Variants in TTC28 observed in about 807,000 individuals in gnomAD.
The protein encoded by TTC28 is tetratricopeptide repeat protein 28.
Under a neutral mutation model 198.0 loss-of-function variants are expected in TTC28, and 61 were observed. The observed-to-expected ratio is 0.31, with a 90% CI of 0.25 to 0.38. TTC28 has a LOEUF of 0.38. Among genes scored for constraint, TTC28 ranks in the 10% least tolerant of loss-of-function variants. The pLI, the probability that TTC28 is intolerant of heterozygous loss-of-function variation, is 1.00. For missense variants in TTC28, 2,678 were observed against 3,164.0 expected (o/e 0.85, Z 3.69); for synonymous variants, 1,171 against 1,297.8 (o/e 0.90, Z 2.10).
chr22:28,386,444 T>C (rs2046596463), intron 2 of TTC28, among the ~76,000 whole-genome samples: 1 of 152,136 alleles, frequency 6.6e-6, no homozygotes, highest in Admixed American at 6.5e-5. Flanking sequence ...TACAGTGCTG[T>C]GCAATCCTTG....
chr22:27,999,897 G>C (rs1937626037), intron 15 of TTC28: 1 of 152,196 alleles, frequency 6.6e-6, no homozygotes, highest in African/African-American at 2.4e-5. Flanking sequence ...TAAGTATGAA[G>C]TTATTTCAAA....
intron 12 of TTC28, among the ~76,000 whole-genome samples, chr22:28,091,492 C>G (rs1451034174): frequency 2.6e-5 from 4 of 152,048 alleles, no homozygotes; most frequent in Non-Finnish European, 5.9e-5. Flanking sequence ...GTCATACACC[C>G]AAGTACCTTT....
At chr22:28,252,617 C>A (rs8142398) in intron 5 of TTC28, among the ~76,000 whole-genome samples, 7,979 of 152,180 alleles carry the variant, frequency 0.052, 285 homozygotes, top group African/African-American at 0.097. Context: ...ATTAGTACTA[C>A]CAGAGTCTTT....
At chr22:28,568,157 ATATAAT>A (rs1419715942) in intron 2 of TTC28, among the ~76,000 whole-genome samples, 1 of 152,220 alleles carries the variant, frequency 6.6e-6, no homozygotes, top group Non-Finnish European at 1.5e-5. Context: ...AAGAATTATG[ATATAAT>A]TACATTGGGA....
At chr22:28,236,658 A>C (rs1035198708) in intron 5 of TTC28, among the ~76,000 whole-genome samples, 3 of 152,210 alleles carry the variant, frequency 2.0e-5, no homozygotes, top group African/African-American at 7.2e-5. Context: ...AATAGAGTTT[A>C]AGGATATGGG....
intron 2 of TTC28, among the ~76,000 whole-genome samples, chr22:28,518,389 G>A (rs917700470): frequency 2.6e-5 from 4 of 152,198 alleles, no homozygotes; most frequent in Non-Finnish European, 5.9e-5. Flanking sequence ...GCCCAGACAC[G>A]AGGATTGCTT....
In TTC28 at chr22:28,163,613, G is replaced by C; in HGVS notation, c.934-14C>G. On this transcript the variant is annotated splice_polypyrimidine_tract_variant and intron_variant, in intron 5 of 22. Transcript: ENST00000397906. ...TGATGAAGCTGCCTGGAGAGAAAAGGATAAAGTGGAGAAATGAAAACACAT... is the reference window on the plus strand; with the variant it reads ...TGATGAAGCTGCCTGGAGAGAAAAGCATAAAGTGGAGAAATGAAAACACAT... 3.3e-6 allele frequency: 5 copies of C among 1,502,264 alleles called. No individual in the cohort carries two copies. The highest frequency in any genetic ancestry group is 4.4e-6 in the Non-Finnish European group (5 of 1,126,538). The allele number at this position is 1,502,264 out of a possible 1,614,324, so 93.1% of individuals were successfully genotyped here. A position where few individuals can be genotyped will look rare whatever the true frequency, so the allele number is the denominator to read the frequency against.
At chr22:28,611,584 T>G (rs1272588375) in intron 2 of TTC28, among the ~76,000 whole-genome samples, 1 of 149,034 alleles carries the variant, frequency 6.7e-6, no homozygotes, top group Non-Finnish European at 1.5e-5. Context: ...TGTATACATG[T>G]GCCATGCTGG....
At chr22:28,551,744 A>G (rs1440049492) in intron 2 of TTC28, among the ~76,000 whole-genome samples, 3 of 152,212 alleles carry the variant, frequency 2.0e-5, no homozygotes, top group Non-Finnish European at 4.4e-5. Flanking sequence ...AATAAAAGCC[A>G]TCTTCGACAA....
chr22:28,364,650 C>T (rs547671939), intron 2 of TTC28, among the ~76,000 whole-genome samples: 1 of 152,154 alleles, frequency 6.6e-6, no homozygotes, highest in East Asian at 1.9e-4. Context: ...AATTCCAACC[C>T]TCCTGGATGA....
intron 2 of TTC28, among the ~76,000 whole-genome samples, chr22:28,580,203 T>A (rs1259375055): frequency 6.6e-6 from 1 of 152,166 alleles, no homozygotes; most frequent in African/African-American, 2.4e-5. Context: ...GCTGAGTGGA[T>A]AACTGCACCT....
chr22:28,273,101 ATGAAACCCAGCTC>A (rs1232824690), intron 5 of TTC28, among the ~76,000 whole-genome samples: 2 of 152,234 alleles, frequency 1.3e-5, no homozygotes, highest in Non-Finnish European at 2.9e-5. Flanking sequence ...ATTGGTTTAA[ATGAAACCCAGCTC>A]TGAAATATCT....
At chr22:28,490,685 G>A (rs1007447819) in intron 2 of TTC28, among the ~76,000 whole-genome samples, 36 of 152,118 alleles carry the variant, frequency 2.4e-4, no homozygotes, top group African/African-American at 8.7e-4. Flanking sequence ...TTTAATAGAG[G>A]ACCACAAGAT....
intron 5 of TTC28, among the ~76,000 whole-genome samples, chr22:28,182,350 G>A (rs1194763698): frequency 1.3e-5 from 2 of 152,094 alleles, no homozygotes; most frequent in Non-Finnish European, 2.9e-5. Context: ...GTAGGGGGTT[G>A]GAATGTAGTC....
chr22:28,336,565 G>T lies in TTC28; in HGVS notation c.382-29922C>A, dbSNP rs577033222. Among the ~76,000 whole-genome samples, 272 of 152,134 alleles carry T rather than the reference G, an allele frequency of 1.8e-3. 1 individual carries two copies. The highest frequency in any genetic ancestry group is 6.4e-3 in the African/African-American group (266 of 41,518). ...TTCAACTTCTTCCTGGTTTAGTCTT[G>T]GGAGGGTGTATGTATCGAGGAATTT... is the stretch of plus-strand genomic sequence containing the variant. On this transcript the variant is annotated intron_variant, in intron 2 of 22. Coordinates refer to ENST00000397906, the MANE Select transcript of TTC28 (RefSeq NM_001145418.2).
intron 12 of TTC28, among the ~76,000 whole-genome samples, chr22:28,073,500 G>A (rs1941063311): frequency 1.3e-5 from 2 of 152,176 alleles, no homozygotes; most frequent in South Asian, 4.1e-4. Flanking sequence ...GCTATGTTAA[G>A]GGAAGAAAGA....
intron 2 of TTC28, among the ~76,000 whole-genome samples, chr22:28,420,928 T>C (rs1213313980): frequency 1.3e-5 from 2 of 152,188 alleles, no homozygotes; most frequent in Non-Finnish European, 2.9e-5. Flanking sequence ...AACACTATTT[T>C]AGCTGAGACA....
chr22:28,655,580 C>T (rs1223498181), intron 1 of TTC28, among the ~76,000 whole-genome samples: 1 of 152,194 alleles, frequency 6.6e-6, no homozygotes, highest in African/African-American at 2.4e-5. Flanking sequence ...GAATTCCCCT[C>T]ACCCTAGGCC....
At chr22:28,178,247 G>A (rs1923356293) in intron 5 of TTC28, among the ~76,000 whole-genome samples, 1 of 149,450 alleles carries the variant, frequency 6.7e-6, no homozygotes, top group African/African-American at 2.5e-5. Flanking sequence ...CTGAGGTCAG[G>A]AGTTCGAGAC....
Sources: allele counts gnomAD v4.1 joint callset (sites outside exome capture counted in the v4.1 genomes callset), GRCh38; gene constraint gnomAD v4.1.1; transcripts MANE v1.5; gene names NCBI Gene and HGNC (gene_info 2026-07-23, HGNC 2026-07-21).